PCCA: variants seen among roughly 807,000 people sequenced by gnomAD.
The protein encoded by PCCA is propionyl-CoA carboxylase subunit alpha.
A neutral mutation model predicts 101.3 loss-of-function variants in PCCA; 74 were observed. The observed-to-expected ratio is 0.73, with a 90% confidence interval of 0.61 to 0.89. The LOEUF (loss-of-function observed/expected upper bound fraction) is 0.89. Among genes scored for constraint, PCCA ranks in the 40% least tolerant of loss-of-function variants. The probability of loss-of-function intolerance (pLI) is 0.00; values close to 1 mark genes in which losing one functional copy is unlikely to be tolerated. For synonymous variants in PCCA, 294 were observed against 313.6 expected (o/e 0.94, Z 0.66); for missense variants, 891 against 907.0 (o/e 0.98, Z 0.23).
intron 4 of PCCA, 33 bp from the exon 5 acceptor site, chr13:100,154,946 C>T (rs757042409): frequency 2.8e-5 from 38 of 1,354,598 alleles, no homozygotes; most frequent in South Asian, 9.3e-5. Flanking sequence ...TTTTGCTGGG[C>T]GCATCTGTTA....
chr13:100,504,930 G>A (rs1440898702), intron 21 of PCCA, among the ~76,000 whole-genome samples: 1 of 142,636 alleles, frequency 7.0e-6, no homozygotes, highest in Non-Finnish European at 1.6e-5. Context: ...GAGAGACTCT[G>A]TCTCAAAAAA....
At chr13:100,489,264 C>T (rs562052124) in intron 21 of PCCA, among the ~76,000 whole-genome samples, 3 of 152,224 alleles carry the variant, frequency 2.0e-5, no homozygotes, top group African/African-American at 7.2e-5. Context: ...GCCGAGATTG[C>T]ACCACTGCAC....
intron 21 of PCCA, among the ~76,000 whole-genome samples, chr13:100,483,714 A>G (rs949090679): frequency 2.0e-5 from 3 of 152,250 alleles, no homozygotes; most frequent in African/African-American, 7.2e-5. Flanking sequence ...TTGCTTTTAA[A>G]TAAAAATGGA....
intron 1 of PCCA, among the ~76,000 whole-genome samples, chr13:100,099,029 C>T (rs1036717339): frequency 6.6e-6 from 1 of 152,126 alleles, no homozygotes; most frequent in Non-Finnish European, 1.5e-5. Flanking sequence ...ATGAAGTAAA[C>T]TAATGTTTAC....
At chr13:100,399,380 A>G (rs1000742020) in intron 19 of PCCA, among the ~76,000 whole-genome samples, 6 of 152,190 alleles carry the variant, frequency 3.9e-5, no homozygotes, top group African/African-American at 1.4e-4. Flanking sequence ...TATTGTTACA[A>G]TTTACACTAT....
intron 1 of PCCA, among the ~76,000 whole-genome samples, chr13:100,093,132 A>G (rs1207281999): frequency 6.9e-6 from 1 of 144,236 alleles, no homozygotes; most frequent in Middle Eastern, 3.2e-3. Context: ...GAATTTGGGA[A>G]GAAACACTTT....
intron 7 of PCCA, among the ~76,000 whole-genome samples, chr13:100,227,385 T>C (rs1223689687): frequency 6.6e-6 from 1 of 152,212 alleles, no homozygotes; most frequent in Non-Finnish European, 1.5e-5. Flanking sequence ...GTTAACTCTT[T>C]TCACGTTTTT....
chr13:100,237,157 A>C lies in PCCA; in HGVS notation c.637+1279A>C, dbSNP rs1280809251. 34 of 152,248 alleles carry C rather than the reference A, an allele frequency of 2.2e-4. 1 individual carries two copies. Among genetic ancestry groups the C allele is most frequent in the Admixed American group, 2.2e-3 (34 of 15,286 alleles). The allele number at this position is 152,248 out of a possible 1,614,324, so 9.4% of individuals were successfully genotyped here. A position where few individuals can be genotyped will look rare whatever the true frequency, so the allele number is the denominator to read the frequency against. Reference sequence around the variant, plus strand: ...ATATCTTATTGGTCTGGAAGTGATCACTTGTACTAGTAAGCGTGTTCTTTG... The same window carrying C: ...ATATCTTATTGGTCTGGAAGTGATCCCTTGTACTAGTAAGCGTGTTCTTTG... On this transcript the variant is annotated intron_variant, in intron 8 of 23. Coordinates refer to ENST00000376285, the MANE Select transcript of PCCA (RefSeq NM_000282.4).
intron 12 of PCCA, among the ~76,000 whole-genome samples, chr13:100,287,171 T>G (rs1030676075): frequency 6.6e-6 from 1 of 152,144 alleles, no homozygotes; most frequent in African/African-American, 2.4e-5. Context: ...GACCTATTAC[T>G]TCACTCTTCT....
chr13:100,414,669 T>G (rs532222959), intron 19 of PCCA, among the ~76,000 whole-genome samples: 3 of 152,358 alleles, frequency 2.0e-5, no homozygotes, highest in Admixed American at 1.3e-4. Flanking sequence ...AGTTGCAGTT[T>G]ATGTAGAATT....
rs147135779 is a variant in PCCA at position 100,256,973 on chromosome 13, AC to A, written c.638-621del. On this transcript the variant is annotated intron_variant, in intron 8 of 23. Coordinates refer to ENST00000376285, the MANE Select transcript of PCCA (RefSeq NM_000282.4). Reference sequence around the variant, plus strand: ...TGGAAGTGTGCTTTGTTTTGACCTTACTTTGTATTTTCATAACACCCTGTTA... The same window carrying A: ...TGGAAGTGTGCTTTGTTTTGACCTTATTTGTATTTTCATAACACCCTGTTA... Among the ~76,000 whole-genome samples the A allele has an allele frequency of 3.0e-3, 461 of 152,190 alleles. 5 individuals carry two copies. The highest frequency in any genetic ancestry group is 0.011 in the African/African-American group (446 of 41,546).
intron 19 of PCCA, among the ~76,000 whole-genome samples, chr13:100,381,775 G>A (rs994741891): frequency 6.6e-6 from 1 of 152,224 alleles, no homozygotes; most frequent in Non-Finnish European, 1.5e-5. Flanking sequence ...CAGGAGCACT[G>A]GAACTGACCA....
At chr13:100,336,337 T>G (rs1388534276) in intron 17 of PCCA, among the ~76,000 whole-genome samples, 1 of 152,062 alleles carries the variant, frequency 6.6e-6, no homozygotes, top group East Asian at 1.9e-4. Flanking sequence ...CGCGTAGCTG[T>G]TAAAAATAAA....
chr13:100,126,153 C>G (rs532398886), intron 4 of PCCA, among the ~76,000 whole-genome samples: 15 of 152,284 alleles, frequency 9.9e-5, no homozygotes, highest in African/African-American at 3.6e-4. Flanking sequence ...CAATCATTGC[C>G]AAATTCAATA....
At chr13:100,150,766 A>C in intron 4 of PCCA, 1 of 1,590,254 alleles carries the variant, frequency 6.3e-7, no homozygotes, top group East Asian at 2.2e-5. Context: ...TCAAAGCCCC[A>C]CAGTGGCGTC....
At chr13:100,330,933 G>C (rs531563322) in intron 17 of PCCA, among the ~76,000 whole-genome samples, 1 of 152,242 alleles carries the variant, frequency 6.6e-6, no homozygotes, top group East Asian at 1.9e-4. Flanking sequence ...AAAACATGTA[G>C]ATAGATCATT....
rs150465533 is a variant in PCCA, at chr13:100,386,328, T to C, written c.1746+17754T>C. ...AAATAAATATGATACATTCATAACA[T>C]TGAAATACTGTGCAGCCTTTAAAAA... On this transcript the variant is annotated intron_variant, in intron 19 of 23. Transcript: ENST00000376285. 4.3e-3 allele frequency among the ~76,000 whole-genome samples: 660 copies of C among 152,326 alleles called. 9 individuals are homozygous for C. The highest frequency in any genetic ancestry group is 0.015 in the African/African-American group (624 of 41,580).
At chr13:100,163,639 C>T (rs575627543) in intron 6 of PCCA, among the ~76,000 whole-genome samples, 1 of 152,098 alleles carries the variant, frequency 6.6e-6, no homozygotes, top group Admixed American at 6.5e-5. Context: ...TCAGGCTCAC[C>T]CTTTAAAAGT....
chr13:100,124,273 A>G (rs1024963979), intron 4 of PCCA, among the ~76,000 whole-genome samples: 1 of 152,202 alleles, frequency 6.6e-6, no homozygotes, highest in Non-Finnish European at 1.5e-5. Context: ...TGTATTCTCT[A>G]TCTACGTTCC....
Sources: gnomAD v4.1 joint callset for allele counts (sites outside exome capture counted in the v4.1 genomes callset) on GRCh38, gnomAD v4.1.1 for gene constraint, MANE v1.5 for transcripts, NCBI Gene and HGNC (gene_info 2026-07-23, HGNC 2026-07-21) for gene names.